ZNF7: variants seen among roughly 807,000 people sequenced by gnomAD.
ZNF7 encodes the protein C2-H2 type zinc finger protein.
A neutral mutation model predicts 12.0 loss-of-function variants in ZNF7; 10 were observed. The observed-to-expected ratio is 0.83, with a 90% CI of 0.51 to 1.42. The LOEUF (loss-of-function observed/expected upper bound fraction) is 1.42. ZNF7 is among the 40% of genes most tolerant of loss of function. The pLI, the probability that ZNF7 is intolerant of heterozygous loss-of-function variation, is 0.00. For synonymous variants in ZNF7, 334 were observed against 295.0 expected, an observed-to-expected ratio of 1.13 and a Z score of -1.35; for missense variants, 854 against 837.2, an observed-to-expected ratio of 1.02 and a Z score of -0.25.
At chr8:144,831,098 A>C in intron 3 of ZNF7, 1 of 452,076 alleles carries the variant, frequency 2.2e-6, no homozygotes, top group South Asian at 1.6e-5. Context: ...GGCATGTAGC[A>C]GCTCCATCTG....
At position 144,831,916 on chromosome 8, in the gene ZNF7, G is replaced by A. The variant is rs1315018738; in HGVS notation, c.130+2312G>A. Among the ~76,000 whole-genome samples the A allele has an allele frequency of 3.0e-5, 3 of 101,436 alleles. 1 individual carries two copies. The highest frequency in any genetic ancestry group is 8.7e-5 in the African/African-American group (3 of 34,668). The allele number at this position is 101,436 out of a possible 152,430, so 66.5% of individuals were successfully genotyped here. ...TGTAGTCCCAGCTACTGGGGAGAGC[G>A]AGGAGGGAGGATTGCCTGAGCCTGG... On this transcript the variant is annotated intron_variant, in intron 3 of 4. Coordinates refer to ENST00000532777, the MANE Select transcript of ZNF7 (RefSeq NM_003416.4).
intron 4 of ZNF7, among the ~76,000 whole-genome samples, chr8:144,839,779 G>A (rs1286137344): frequency 6.6e-6 from 1 of 152,174 alleles, no homozygotes; most frequent in Non-Finnish European, 1.5e-5. Context: ...GTCAGCATCA[G>A]ATACTGAAAG....
At chr8:144,828,428 A>G (rs921797841) in intron 1 of ZNF7, among the ~76,000 whole-genome samples, 5 of 143,362 alleles carry the variant, frequency 3.5e-5, no homozygotes, top group African/African-American at 7.4e-5. Context: ...GCCTTCTCCA[A>G]CCTCCAGTCG....
At chr8:144,845,881 C>T (rs766837653), downstream of ZNF7, 115 of 1,231,312 alleles carry the variant, frequency 9.3e-5, no homozygotes, top group Admixed American at 3.0e-4. Context: ...CCTTGCGTCA[C>T]GTGGCTGCTG....
At chr8:144,829,246 C>A in intron 2 of ZNF7, 156 bp downstream of exon 2, 1 of 1,542,912 alleles carries the variant, frequency 6.5e-7, no homozygotes, top group Non-Finnish European at 8.7e-7. Flanking sequence ...AAACCCCTGC[C>A]CAAACCAGGG....
chr8:144,838,170 C>A (rs978639101), intron 4 of ZNF7: 1 of 702,558 alleles, frequency 1.4e-6, no homozygotes, highest in African/African-American at 1.7e-5. Flanking sequence ...CTCTGATCTC[C>A]GACTCCTTCA....
In ZNF7 at chr8:144,842,879, G is replaced by C. The variant is rs368859595; in HGVS notation, c.1772G>C (p.Ser591Thr). The C allele has an allele frequency of 1.7e-5, 28 of 1,614,222 alleles. No homozygotes were observed. The highest frequency in any genetic ancestry group is 6.7e-5 in the Admixed American group (4 of 60,026). The change falls in exon 5 of 5, where the codon AGC (serine) becomes ACC (threonine). Residue 591 changes from serine (S) to threonine (T), a missense_variant. By Grantham distance (58) the Ser-to-Thr change is moderately conservative (BLOSUM62 1). Transcript: ENST00000532777. ...TGCAGTGAGTGTGGAAAAGCCTTCA[G>C]CCGGAGCTCATATCTTATTGAACAC... The part of the protein sequence containing the change: ...YECSECGKAF[S>T]RSSYLIEHQR...
chr8:144,832,686 C>T (rs1336379079), intron 3 of ZNF7, among the ~76,000 whole-genome samples: 1 of 152,160 alleles, frequency 6.6e-6, no homozygotes, highest in East Asian at 1.9e-4. Context: ...CGAGATCACA[C>T]CAGTGCACTC....
At chr8:144,837,753 T>G (rs767976924) in intron 4 of ZNF7, among the ~76,000 whole-genome samples, 2 of 152,186 alleles carry the variant, frequency 1.3e-5, no homozygotes, top group Non-Finnish European at 2.9e-5. Flanking sequence ...AAACGGAGCT[T>G]GTTTTTGAAT....
At chr8:144,838,957 A>AGC (rs2130652315) in intron 4 of ZNF7, 2 of 152,122 alleles carry the variant, frequency 1.3e-5, no homozygotes, top group Admixed American at 6.6e-5. Flanking sequence ...AAAAAAAAAA[A>AGC]AAAAAGCAGG....
intron 3 of ZNF7, among the ~76,000 whole-genome samples, chr8:144,832,010 G>A (rs10283155): frequency 0.079 from 7,757 of 98,496 alleles, 2,205 homozygotes; most frequent in African/African-American, 0.22. Context: ...GTGAGACCCT[G>A]TCTAAAAAAA....
chr8:144,841,419 C>T lies in ZNF7; in HGVS notation c.312C>T (p.Ser104=), dbSNP rs371057783. 5.0e-6 allele frequency: 8 copies of T among 1,614,054 alleles called. No individual in the cohort carries two copies. The highest frequency in any genetic ancestry group is 5.9e-6 in the Non-Finnish European group (7 of 1,180,020). Residue 104 remains serine, a synonymous_variant, in exon 5 of 5, where the codon TCC becomes TCT. Coordinates refer to ENST00000532777, the MANE Select transcript of ZNF7 (RefSeq NM_003416.4). The part of the protein sequence containing the change: ...CEDMDILKSE[S]YGTVVRISPQ... The stretch of plus-strand genomic sequence containing the variant: ...ACATGGACATCCTAAAATCAGAATC[C>T]TATGGGACAGTGGTCAGAATCTCCC...
At chr8:144,831,058 A>G (rs983702727) in intron 3 of ZNF7, 1 of 456,196 alleles carries the variant, frequency 2.2e-6, no homozygotes, top group Non-Finnish European at 4.4e-6. Context: ...TTCTTCATCC[A>G]GTGAGCTTGG....
chr8:144,844,877 G>C (rs553332756), downstream of ZNF7, among the ~76,000 whole-genome samples: 1 of 152,028 alleles, frequency 6.6e-6, no homozygotes, highest in South Asian at 2.1e-4. Flanking sequence ...GAGTGGGTTA[G>C]GAAGAAGGTG....
intron 4 of ZNF7, 64 bp from the exon 5 acceptor site, chr8:144,841,291 T>G (rs1361327282): frequency 2.0e-6 from 3 of 1,502,616 alleles, no homozygotes. Flanking sequence ...GCCCCCGCAT[T>G]TGTAGTCTTA....
chr8:144,846,029 C>A (rs1830495142), downstream of ZNF7: 3 of 1,536,642 alleles, frequency 2.0e-6, no homozygotes, highest in Non-Finnish European at 1.7e-6. Context: ...CCCACATGCA[C>A]CGCCTGCAAC....
chr8:144,842,912 T>A lies in ZNF7; in HGVS notation c.1805T>A (p.Ile602Lys). Residue 602 changes from isoleucine (I) to lysine (K), a missense_variant, in exon 5 of 5, where the codon ATA becomes AAA. By Grantham distance (102) the Ile-to-Lys change is moderately radical (BLOSUM62 -3). Transcript: ENST00000532777. Reference protein sequence around the residue: ...RSSYLIEHQRIHTRAQWFYEY... With the variant: ...RSSYLIEHQRKHTRAQWFYEY... ...TCATATCTTATTGAACACCAGAGAA[T>A]ACACACTAGGGCCCAGTGGTTTTAC... is the stretch of plus-strand genomic sequence containing the variant. The A allele has an allele frequency of 6.2e-7, 1 of 1,614,196 alleles. No homozygotes were observed. The highest frequency in any genetic ancestry group is 1.1e-5 in the South Asian group (1 of 91,080).
At chr8:144,845,387 GT>G (rs1194749785), downstream of ZNF7, among the ~76,000 whole-genome samples, 5 of 149,160 alleles carry the variant, frequency 3.4e-5, no homozygotes, top group African/African-American at 7.4e-5. Context: ...TCACCCCTCA[GT>G]TTTTTTTTTG....
intron 3 of ZNF7, chr8:144,831,113 G>A (rs1205447166): frequency 4.5e-6 from 2 of 444,668 alleles, no homozygotes; most frequent in African/African-American, 2.0e-5. Flanking sequence ...CATCTGCTGT[G>A]CCTGTCCTCC....
Sources: allele counts gnomAD v4.1 joint callset (sites outside exome capture counted in the v4.1 genomes callset), GRCh38; gene constraint gnomAD v4.1.1; transcripts MANE v1.5; gene names NCBI Gene and HGNC (gene_info 2026-07-23, HGNC 2026-07-21).